ROBO1: variants seen among roughly 807,000 people sequenced by gnomAD.
ROBO1 encodes roundabout guidance receptor 1.
In ROBO1, 149 loss-of-function variants were observed where a neutral mutation model predicts 195.9. The observed-to-expected ratio is 0.76, with a 90% confidence interval of 0.67 to 0.87. The LOEUF (loss-of-function observed/expected upper bound fraction) is 0.87, where lower values mean the gene tolerates loss of function less well. ROBO1 is among the 40% of genes least tolerant of loss of function. ROBO1 has a pLI of 0.00. For synonymous variants in ROBO1, 816 were observed against 733.2 expected, an observed-to-expected ratio of 1.11 and a Z score of -1.82; for missense variants, 1,933 against 2,068.3, an observed-to-expected ratio of 0.93 and a Z score of 1.27.
intron 3 of ROBO1, among the ~76,000 whole-genome samples, chr3:78,961,580 A>C (rs960727728): frequency 2.0e-5 from 3 of 152,194 alleles, no homozygotes; most frequent in Non-Finnish European, 4.4e-5. Context: ...TGAAGTGGGC[A>C]CTATTATTAT....
intron 1 of ROBO1, among the ~76,000 whole-genome samples, chr3:79,714,974 T>G (rs1170698629): frequency 2.0e-5 from 3 of 151,814 alleles, no homozygotes; most frequent in Non-Finnish European, 4.4e-5. Flanking sequence ...ATTGTGCACA[T>G]GTACCCTAAA....
intron 4 of ROBO1, among the ~76,000 whole-genome samples, chr3:78,757,244 G>A (rs1035803205): frequency 1.3e-5 from 2 of 152,246 alleles, no homozygotes; most frequent in African/African-American, 2.4e-5. Context: ...ACTCCCACTC[G>A]CAATTGCAAA....
intron 1 of ROBO1, among the ~76,000 whole-genome samples, chr3:79,639,084 C>A (rs1945580714): frequency 6.6e-6 from 1 of 152,140 alleles, no homozygotes; most frequent in South Asian, 2.1e-4. Flanking sequence ...GAGAGAGTTT[C>A]TATCAAAATT....
At chr3:79,283,864 A>AT (rs532567286) in intron 2 of ROBO1, among the ~76,000 whole-genome samples, 60 of 151,320 alleles carry the variant, frequency 4.0e-4, no homozygotes, top group African/African-American at 1.3e-3. Context: ...CGCCCGGCTA[A>AT]TTTTTTGTAT....
intron 19 of ROBO1, among the ~76,000 whole-genome samples, chr3:78,648,854 A>G (rs1422009511): frequency 6.6e-6 from 1 of 152,072 alleles, no homozygotes; most frequent in Admixed American, 6.6e-5. Flanking sequence ...TTTACTGTAG[A>G]ATCGGAGCAT....
chr3:78,746,744 G>A lies in ROBO1; in HGVS notation c.656C>T (p.Thr219Ile). The A allele has an allele frequency of 6.6e-7, 1 of 1,510,990 alleles. No homozygotes were observed. The highest frequency in any genetic ancestry group is 9.0e-7 in the Non-Finnish European group (1 of 1,115,838). 93.6% of individuals were successfully genotyped at this position (1,510,990 alleles called of 1,614,324 possible). ...TCTGCTGTTGAATTAAATACTCACA[G>A]TTATTCTTTCATCTTTATCATCCAG... ...SPLDDKDERITIRGGKLMITY... is the reference protein window; with the variant it reads ...SPLDDKDERIIIRGGKLMITY... The change falls in exon 5 of 31, where the codon ACT (threonine) becomes ATT (isoleucine). Residue 219 changes from threonine (T) to isoleucine (I), a missense_variant and splice_region_variant. Around this residue, in one of 3 missense-constraint regions of ROBO1, gnomAD observed 1,737 missense variants for 1,882.5 expected, o/e 0.92. Coordinates refer to ENST00000464233, the MANE Select transcript of ROBO1 (RefSeq NM_002941.4).
Position 79,228,167 on chromosome 3 carries a change from CAAAGAAGGAAAA to C in ROBO1, c.89-102640_89-102629del, listed in dbSNP as rs199809877. 6.7e-5 allele frequency among the ~76,000 whole-genome samples: 10 copies of C among 149,992 alleles called. No individual in the cohort carries two copies. In the East Asian group the frequency reaches 2.0e-3, roughly 29 times the overall value. On this transcript the variant is annotated intron_variant, in intron 2 of 30. Transcript: ENST00000464233. ...TAAAAAATGTTGTTGTAATAAAGGA[CAAAGAAGGAAAA>C]GAAGAAGAAAAAGGAGAAAAAGAAG... is the stretch of plus-strand genomic sequence containing the variant.
chr3:78,899,861 G>T (rs940635212), intron 4 of ROBO1, among the ~76,000 whole-genome samples: 1 of 152,128 alleles, frequency 6.6e-6, no homozygotes, highest in African/African-American at 2.4e-5. Context: ...GATGTGATAG[G>T]TTAGCATTTG....
chr3:79,116,942 T>C (rs1346870586), intron 3 of ROBO1, among the ~76,000 whole-genome samples: 1 of 152,224 alleles, frequency 6.6e-6, no homozygotes, highest in Admixed American at 6.5e-5. Context: ...TTTTAATTGC[T>C]TTTTAAAAGA....
chr3:79,641,372 T>C (rs1352098948), intron 1 of ROBO1, among the ~76,000 whole-genome samples: 1 of 152,044 alleles, frequency 6.6e-6, no homozygotes, highest in Non-Finnish European at 1.5e-5. Flanking sequence ...TAATCAAATA[T>C]ATAGACTTTT....
intron 2 of ROBO1, among the ~76,000 whole-genome samples, chr3:79,517,333 G>T (rs1049658968): frequency 6.6e-6 from 1 of 152,092 alleles, no homozygotes; most frequent in Non-Finnish European, 1.5e-5. Flanking sequence ...TGGAACAGTC[G>T]ACACTGACCA....
chr3:79,481,423 G>A (rs997261709), intron 2 of ROBO1, among the ~76,000 whole-genome samples: 5 of 152,106 alleles, frequency 3.3e-5, no homozygotes, highest in Non-Finnish European at 7.4e-5. Context: ...TTCATCTGTA[G>A]AGATGATTCT....
At chr3:79,623,719 G>A (rs1945082186) in intron 1 of ROBO1, among the ~76,000 whole-genome samples, 1 of 152,124 alleles carries the variant, frequency 6.6e-6, no homozygotes, top group Non-Finnish European at 1.5e-5. Flanking sequence ...ACCTACAATT[G>A]ATTGGAGTAC....
In ROBO1 at chr3:78,938,227, T is replaced by C. The variant is rs568161783; in HGVS notation, c.499+374A>G. The C allele has an allele frequency of 1.5e-4, 36 of 236,974 alleles. No individual in the cohort carries two copies. The East Asian group carries it at 3.7e-3, about 24-fold the overall frequency. The allele number at this position is 236,974 out of a possible 1,614,324, so 14.7% of individuals were successfully genotyped here. On this transcript the variant is annotated intron_variant, in intron 4 of 30. Coordinates refer to ENST00000464233, the MANE Select transcript of ROBO1 (RefSeq NM_002941.4). ...ATGGTGCAGTACAGCCCAGAACCCC[T>C]GGGCTCAAGCAATTCTCTTGCCTCA...
At chr3:78,673,083 T>C (rs1229916145) in intron 10 of ROBO1, among the ~76,000 whole-genome samples, 5 of 152,120 alleles carry the variant, frequency 3.3e-5, no homozygotes, top group African/African-American at 1.2e-4. Context: ...TAAATTCAAA[T>C]TTAAATAGCC....
intron 4 of ROBO1, among the ~76,000 whole-genome samples, chr3:78,883,721 A>G (rs957995805): frequency 1.3e-5 from 2 of 152,124 alleles, no homozygotes; most frequent in African/African-American, 4.8e-5. Context: ...ACTATATAGT[A>G]TATTTTAAAT....
chr3:79,110,531 T>C (rs185018806), intron 3 of ROBO1, among the ~76,000 whole-genome samples: 2 of 152,036 alleles, frequency 1.3e-5, no homozygotes, highest in Admixed American at 1.3e-4. Context: ...ATGCAGCAGA[T>C]GCTAGTTGTT....
At chr3:79,173,358 C>G (rs754448720) in intron 2 of ROBO1, among the ~76,000 whole-genome samples, 20 of 152,130 alleles carry the variant, frequency 1.3e-4, no homozygotes, top group Non-Finnish European at 2.6e-4. Flanking sequence ...GAGTGGGAAC[C>G]AGGGCTGCGC....
In ROBO1 at chr3:79,700,317, TTGTG is replaced by T. The variant is rs71130610; in HGVS notation, c.-51+67431_-51+67434del. ...TGTGTGTGTGTTTGTGTGTGTGTGT[TTGTG>T]TGTGTGTGTGTGTGTGTGTGTGTGT... On this transcript the variant is annotated intron_variant, in intron 1 of 30. Transcript: ENST00000464233. 3.0e-3 allele frequency among the ~76,000 whole-genome samples: 437 copies of T among 144,250 alleles called. 5 individuals are homozygous for T. Among genetic ancestry groups the T allele is most frequent in the Admixed American group, 7.0e-3 (100 of 14,346 alleles). 94.6% of individuals were successfully genotyped at this position (144,250 alleles called of 152,430 possible). A position where few individuals can be genotyped will look rare whatever the true frequency, so the allele number is the denominator to read the frequency against.
Sources: gnomAD v4.1 joint callset for allele counts (sites outside exome capture counted in the v4.1 genomes callset) on GRCh38, gnomAD v4.1.1 for gene constraint, gnomAD v4.1.1 regional missense constraint, MANE v1.5 for transcripts, NCBI Gene and HGNC (gene_info 2026-07-23, HGNC 2026-07-21) for gene names.